Variants in LYPD6 observed in about 807,000 individuals in gnomAD.
LYPD6 encodes the protein ly6/PLAUR domain-containing protein 6.
Under a neutral mutation model 22.7 loss-of-function variants are expected in LYPD6, and 15 were observed. That is an observed-to-expected ratio of 0.66 (90% confidence interval 0.44 to 1.02). The LOEUF is 1.02. LYPD6 is among the 50% of genes least tolerant of loss of function. The probability of loss-of-function intolerance (pLI) is 0.00; values close to 1 mark genes in which losing one functional copy is unlikely to be tolerated. For missense variants in LYPD6, 189 were observed against 208.4 expected (o/e 0.91, Z 0.57); for synonymous variants, 72 against 77.5 (o/e 0.93, Z 0.37).
At chr2:149,398,056 G>A (rs367928947) in intron 1 of LYPD6, among the ~76,000 whole-genome samples, 31 of 152,260 alleles carry the variant, frequency 2.0e-4, no homozygotes, top group African/African-American at 7.0e-4. Flanking sequence ...GACATTACAA[G>A]ATAAACATGT....
chr2:149,392,562 G>A (rs888331168), intron 1 of LYPD6, among the ~76,000 whole-genome samples: 2 of 152,238 alleles, frequency 1.3e-5, no homozygotes, highest in Non-Finnish European at 2.9e-5. Context: ...TGACGGATGG[G>A]AGAGAGTGTT....
intron 1 of LYPD6, among the ~76,000 whole-genome samples, chr2:149,351,392 T>TAAA (rs71397025): frequency 2.4e-4 from 20 of 83,088 alleles, no homozygotes; most frequent in East Asian, 1.2e-3. Flanking sequence ...AGACTCCATC[T>TAAA]AAAAAAAAAA....
rs1456096548 is a variant in LYPD6, at chr2:149,391,966, G to C, written c.-71-45672G>C. Among the ~76,000 whole-genome samples, 4 of 152,292 alleles carry C rather than the reference G, an allele frequency of 2.6e-5. No homozygotes were observed. The East Asian group carries it at 7.7e-4, about 29-fold the overall frequency. On this transcript the variant is annotated intron_variant, in intron 1 of 4. Transcript: ENST00000334166. ...TGCCATAACGAAATACCACAGACTGGGTGGCTCATACAACAGACATTTATT... is the reference window on the plus strand; with the variant it reads ...TGCCATAACGAAATACCACAGACTGCGTGGCTCATACAACAGACATTTATT...
At chr2:149,396,873 C>A (rs140854142) in intron 1 of LYPD6, among the ~76,000 whole-genome samples, 6 of 152,244 alleles carry the variant, frequency 3.9e-5, no homozygotes, top group African/African-American at 1.4e-4. Flanking sequence ...AGCTGTGGGA[C>A]ACTGGTTCCA....
chr2:149,384,077 T>C (rs1037246100), intron 1 of LYPD6, among the ~76,000 whole-genome samples: 1 of 152,250 alleles, frequency 6.6e-6, no homozygotes, highest in African/African-American at 2.4e-5. Context: ...ATTCTCAGTA[T>C]AGTTCATGTT....
intron 1 of LYPD6, among the ~76,000 whole-genome samples, chr2:149,334,393 A>G (rs1213459353): frequency 1.3e-5 from 2 of 152,220 alleles, no homozygotes; most frequent in Non-Finnish European, 2.9e-5. Flanking sequence ...CAGCGTGTAA[A>G]TGAATTCTTT....
chr2:149,453,745 T>G (rs2105167046), intron 3 of LYPD6, among the ~76,000 whole-genome samples: 1 of 152,374 alleles, frequency 6.6e-6, no homozygotes, highest in Admixed American at 6.5e-5. Flanking sequence ...TTGTTGACTT[T>G]TTTCAGACAT....
At chr2:149,394,628 A>G (rs2105102040) in intron 1 of LYPD6, among the ~76,000 whole-genome samples, 1 of 152,082 alleles carries the variant, frequency 6.6e-6, no homozygotes, top group Middle Eastern at 3.4e-3. Flanking sequence ...ATTCTTTCAT[A>G]TATCTCTCTC....
chr2:149,338,262 A>G (rs1359707808), intron 1 of LYPD6, among the ~76,000 whole-genome samples: 1 of 152,202 alleles, frequency 6.6e-6, no homozygotes, highest in East Asian at 1.9e-4. Flanking sequence ...CTAATTTACA[A>G]TTCCACCAGC....
At chr2:149,402,842 T>C (rs930440772) in intron 1 of LYPD6, among the ~76,000 whole-genome samples, 16 of 151,702 alleles carry the variant, frequency 1.1e-4, no homozygotes, top group Non-Finnish European at 5.9e-5. Context: ...AACTCGTCAT[T>C]TAGCATTAGG....
At chr2:149,421,641 G>A (rs1683083828) in intron 1 of LYPD6, among the ~76,000 whole-genome samples, 1 of 151,936 alleles carries the variant, frequency 6.6e-6, no homozygotes, top group Non-Finnish European at 1.5e-5. Context: ...AACGTTAATT[G>A]TTGCTGTTAT....
At chr2:149,384,407 G>A (rs1413707866) in intron 1 of LYPD6, among the ~76,000 whole-genome samples, 3 of 152,172 alleles carry the variant, frequency 2.0e-5, no homozygotes, top group African/African-American at 7.2e-5. Context: ...TTGGTTGTGG[G>A]GTTTGAGAAG....
intron 1 of LYPD6, among the ~76,000 whole-genome samples, chr2:149,431,603 T>G (rs544080407): frequency 6.6e-6 from 1 of 152,318 alleles, no homozygotes; most frequent in East Asian, 1.9e-4. Flanking sequence ...TAAACAGTCC[T>G]GCCCATCCTG....
chr2:149,400,882 T>C (rs183632774), intron 1 of LYPD6, among the ~76,000 whole-genome samples: 2 of 152,320 alleles, frequency 1.3e-5, no homozygotes, highest in Admixed American at 6.5e-5. Context: ...GGATTTACTT[T>C]TCTCGGTAAT....
At chr2:149,405,174 A>C (rs1412837305) in intron 1 of LYPD6, among the ~76,000 whole-genome samples, 1 of 152,008 alleles carries the variant, frequency 6.6e-6, no homozygotes, top group Non-Finnish European at 1.5e-5. Context: ...ATGTTCATCA[A>C]GGCTATTGGT....
intron 1 of LYPD6, among the ~76,000 whole-genome samples, chr2:149,405,383 A>T (rs528198509): frequency 1.3e-5 from 2 of 152,230 alleles, no homozygotes; most frequent in African/African-American, 2.4e-5. Flanking sequence ...TTTGGTTGGT[A>T]AGCTATTGAT....
intron 1 of LYPD6, among the ~76,000 whole-genome samples, chr2:149,411,945 T>G (rs1682857590): frequency 6.6e-6 from 1 of 152,200 alleles, no homozygotes; most frequent in Admixed American, 6.5e-5. Context: ...TGCATCTTTT[T>G]TTCTCGTAAT....
intron 1 of LYPD6, among the ~76,000 whole-genome samples, chr2:149,386,812 C>T (rs1196161195): frequency 6.6e-6 from 1 of 152,298 alleles, no homozygotes; most frequent in East Asian, 1.9e-4. Flanking sequence ...AGATGGCTGA[C>T]AGTGGGCCTT....
At chr2:149,456,295 G>A (rs888550526) in intron 3 of LYPD6, among the ~76,000 whole-genome samples, 12 of 152,018 alleles carry the variant, frequency 7.9e-5, no homozygotes, top group African/African-American at 2.4e-4. Context: ...GAAGTATAAT[G>A]TACATACCAA....
Sources: gnomAD v4.1 joint callset for allele counts (sites outside exome capture counted in the v4.1 genomes callset) on GRCh38, gnomAD v4.1.1 for gene constraint, MANE v1.5 for transcripts, NCBI Gene and HGNC (gene_info 2026-07-23, HGNC 2026-07-21) for gene names.